Variants in SRCIN1 observed in about 807,000 individuals in gnomAD.
SRCIN1 encodes the protein P130Cas-associated protein.
SRCIN1 carries 50 observed loss-of-function variants against 116.2 expected under a neutral mutation model. The observed-to-expected ratio is 0.43, with a 90% CI of 0.34 to 0.54. The LOEUF (loss-of-function observed/expected upper bound fraction) is 0.54. Ranked by LOEUF, SRCIN1 falls within the 20% of genes least tolerant of loss-of-function variation. The probability of loss-of-function intolerance (pLI) is 0.02; values close to 1 mark genes in which losing one functional copy is unlikely to be tolerated. For synonymous variants in SRCIN1, 736 were observed against 750.0 expected (o/e 0.98, Z 0.30); for missense variants, 1,446 against 1,672.0 (o/e 0.86, Z 2.36).
At chr17:38,596,671 G>C (rs542413547) in intron 1 of SRCIN1, among the ~76,000 whole-genome samples, 1 of 151,930 alleles carries the variant, frequency 6.6e-6, no homozygotes, top group African/African-American at 2.4e-5. Context: ...CCCAGCCTAC[G>C]AGACCCCCAT....
chr17:38,566,362 G>A (rs1441421693), intron 3 of SRCIN1, among the ~76,000 whole-genome samples: 1 of 152,146 alleles, frequency 6.6e-6, no homozygotes, highest in East Asian at 1.9e-4. Context: ...AAACCCTCTC[G>A]AGAGGAGGGA....
intron 17 of SRCIN1, among the ~76,000 whole-genome samples, chr17:38,545,967 C>T (rs978631050): frequency 6.6e-6 from 1 of 152,260 alleles, no homozygotes; most frequent in Non-Finnish European, 1.5e-5. Context: ...TGGTCTACCC[C>T]AACTTTGTGT....
chr17:38,571,953 C>T (rs954570891), intron 2 of SRCIN1, among the ~76,000 whole-genome samples: 2 of 152,164 alleles, frequency 1.3e-5, no homozygotes, highest in Non-Finnish European at 2.9e-5. Flanking sequence ...GCTGGTTTTC[C>T]CCCCCTCGGC....
chr17:38,564,675 G>C (rs1906564450), intron 3 of SRCIN1, among the ~76,000 whole-genome samples: 1 of 149,208 alleles, frequency 6.7e-6, no homozygotes, highest in African/African-American at 2.5e-5. Flanking sequence ...AGCAAATTGG[G>C]GCATTAGTTC....
In SRCIN1 at chr17:38,533,124, AC is replaced by A; in HGVS notation, c.*172del. 2 of 565,252 alleles carry A rather than the reference AC, an allele frequency of 3.5e-6. No individual in the cohort carries two copies. Among genetic ancestry groups the A allele is most frequent in the Non-Finnish European group, 5.2e-6 (2 of 383,610 alleles). The allele number at this position is 565,252 out of a possible 1,614,324, so 35.0% of individuals were successfully genotyped here. A position where few individuals can be genotyped will look rare whatever the true frequency, so the allele number is the denominator to read the frequency against. On this transcript the variant is annotated 3_prime_UTR_variant, in exon 19 of 19. Transcript: ENST00000617146. ...AAAAAAAAAAAAAACAAAACCAAAA[AC>A]ACCAACAGATGATGGGTAGGGGTCG...
chr17:38,561,917 CGCCGGCGGCCGCGGCCAG>C lies in SRCIN1; in HGVS notation c.1228_1245del (p.Leu410_Gly415del). The C allele has an allele frequency of 2.1e-6, 3 of 1,445,624 alleles. No homozygotes were observed. The highest frequency in any genetic ancestry group is 2.7e-6 in the Non-Finnish European group (3 of 1,113,974). 89.5% of individuals were successfully genotyped at this position (1,445,624 alleles called of 1,614,324 possible). A position where few individuals can be genotyped will look rare whatever the true frequency, so the allele number is the denominator to read the frequency against. On this transcript the variant is annotated inframe_deletion, in exon 7 of 19. Transcript: ENST00000617146. ...CCGGCGCCCGGGTAGGCGAACGGGTCGCCGGCGGCCGCGGCCAGGCTCAGACGGCCCTCGTGCAGCAGC... is the reference window on the plus strand; with the variant it reads ...CCGGCGCCCGGGTAGGCGAACGGGTCGCTCAGACGGCCCTCGTGCAGCAGC...
chr17:38,584,794 C>A (rs956929193), intron 1 of SRCIN1, among the ~76,000 whole-genome samples: 2 of 152,134 alleles, frequency 1.3e-5, no homozygotes, highest in Admixed American at 1.3e-4. Flanking sequence ...CTCTGGCTGC[C>A]CCTGGGCAAC....
At chr17:38,581,554 G>A (rs751982994) in intron 1 of SRCIN1, among the ~76,000 whole-genome samples, 74 of 150,314 alleles carry the variant, frequency 4.9e-4, no homozygotes, top group Non-Finnish European at 8.6e-4. Context: ...CATGGATATA[G>A]TTCCTTGGGA....
intron 18 of SRCIN1, among the ~76,000 whole-genome samples, chr17:38,535,209 CTTTTTTT>C (rs71138630): frequency 4.7e-5 from 6 of 128,932 alleles, no homozygotes; most frequent in African/African-American, 1.8e-4. Context: ...CTTTTTCTTT[CTTTTTTT>C]TTTTTTTTTG....
rs1200398582 is a variant in SRCIN1, at chr17:38,563,793, G to A, written c.542-272C>T. On this transcript the variant is annotated intron_variant, in intron 4 of 18. Coordinates refer to ENST00000617146, the MANE Select transcript of SRCIN1 (RefSeq NM_025248.3). The surrounding 1 kb of genome is among the most constrained non-coding windows in gnomAD (Gnocchi z 5.8). ...GAAGTGGGGGCAGAGCAGGTGGGGC[G>A]GAAACTGAGGGGAAGTGAGCTGAGG... is the stretch of plus-strand genomic sequence containing the variant. 1.4e-5 allele frequency: 9 copies of A among 654,096 alleles called. No individual in the cohort carries two copies. The highest frequency in any genetic ancestry group is 2.4e-5 in the Non-Finnish European group (9 of 367,696). 40.5% of individuals were successfully genotyped at this position (654,096 alleles called of 1,614,324 possible).
In SRCIN1 at chr17:38,552,350, G is replaced by T; in HGVS notation, c.2480+97C>A. On this transcript the variant is annotated intron_variant, in intron 13 of 18. Coordinates refer to ENST00000617146, the MANE Select transcript of SRCIN1 (RefSeq NM_025248.3). This position sits in a 1 kb window ranked among gnomAD's most constrained non-coding sequence, Gnocchi z 5.3. Reference sequence around the variant, plus strand: ...GTGCCAGTCCAGTCGGCACGCCAGTGACCTTTGGGGGAGTTGGGGTAAGGG... The same window carrying T: ...GTGCCAGTCCAGTCGGCACGCCAGTTACCTTTGGGGGAGTTGGGGTAAGGG... 2 of 1,482,012 alleles carry T rather than the reference G, an allele frequency of 1.3e-6. No homozygotes were observed. Among genetic ancestry groups the T allele is most frequent in the South Asian group, 2.7e-5 (2 of 72,848 alleles). 91.8% of individuals were successfully genotyped at this position (1,482,012 alleles called of 1,614,324 possible).
chr17:38,533,256 G>A lies in SRCIN1; in HGVS notation c.*41C>T, dbSNP rs746396634. 15 of 1,526,560 alleles carry A rather than the reference G, an allele frequency of 9.8e-6. No individual in the cohort carries two copies. Among genetic ancestry groups the A allele is most frequent in the Non-Finnish European group, 1.1e-5 (13 of 1,134,064 alleles). 94.6% of individuals were successfully genotyped at this position (1,526,560 alleles called of 1,614,324 possible). Reference sequence around the variant, plus strand: ...GGAAGAGAGGGGAGAAATGGCAGGAGTGAGGGAGGGGGACAGGCGGGGCAG... The same window carrying A: ...GGAAGAGAGGGGAGAAATGGCAGGAATGAGGGAGGGGGACAGGCGGGGCAG... On this transcript the variant is annotated 3_prime_UTR_variant, in exon 19 of 19. Transcript: ENST00000617146.
intron 1 of SRCIN1, among the ~76,000 whole-genome samples, chr17:38,580,080 G>C (rs1907698594): frequency 6.6e-6 from 1 of 152,132 alleles, no homozygotes; most frequent in South Asian, 2.1e-4. Flanking sequence ...GACTCATAGG[G>C]CTCCTCCAAG....
chr17:38,578,944 C>T (rs1344409046), intron 1 of SRCIN1, among the ~76,000 whole-genome samples, 153 bp from the exon 2 acceptor site: 1 of 152,178 alleles, frequency 6.6e-6, no homozygotes, highest in Non-Finnish European at 1.5e-5. Context: ...CAGCACCCCA[C>T]TAGGGACTGA....
At chr17:38,595,795 T>C (rs575770028) in intron 1 of SRCIN1, among the ~76,000 whole-genome samples, 93 of 152,326 alleles carry the variant, frequency 6.1e-4, no homozygotes, top group South Asian at 5.8e-3. Flanking sequence ...CTTTGCAGCC[T>C]GCACACACAT....
chr17:38,593,832 A>G (rs984670071), intron 1 of SRCIN1, among the ~76,000 whole-genome samples: 1 of 152,262 alleles, frequency 6.6e-6, no homozygotes, highest in Middle Eastern at 3.4e-3. Flanking sequence ...CCCGGTGTCC[A>G]CTACCATGGT....
chr17:38,586,722 G>A (rs1322920869), intron 1 of SRCIN1, among the ~76,000 whole-genome samples: 1 of 152,252 alleles, frequency 6.6e-6, no homozygotes, highest in Non-Finnish European at 1.5e-5. Flanking sequence ...GCAAAGGGCA[G>A]CTAGGGAGGG....
At chr17:38,588,322 A>AC (rs1908248193) in intron 1 of SRCIN1, among the ~76,000 whole-genome samples, 1 of 152,074 alleles carries the variant, frequency 6.6e-6, no homozygotes, top group South Asian at 2.1e-4. Context: ...GCAGCATGTC[A>AC]CCCCCAGTCT....
At chr17:38,584,760 C>A (rs182856915) in intron 1 of SRCIN1, among the ~76,000 whole-genome samples, 1 of 152,174 alleles carries the variant, frequency 6.6e-6, no homozygotes, top group Non-Finnish European at 1.5e-5. Flanking sequence ...CATCTTTACC[C>A]CGGATGTAAC....
Sources: allele counts gnomAD v4.1 joint callset (sites outside exome capture counted in the v4.1 genomes callset), GRCh38; gene constraint gnomAD v4.1.1; non-coding constraint Gnocchi (gnomAD v3.1); transcripts MANE v1.5; gene names NCBI Gene and HGNC (gene_info 2026-07-23, HGNC 2026-07-21).